TMEM131L: variants seen among roughly 807,000 people sequenced by gnomAD.
TMEM131L encodes transmembrane protein 131-like.
TMEM131L carries 54 observed loss-of-function variants against 192.2 expected under a neutral mutation model. The ratio of observed to expected loss-of-function variants is 0.28; its 90% CI spans 0.23 to 0.35. The LOEUF (loss-of-function observed/expected upper bound fraction) is 0.35, where lower values mean the gene tolerates loss of function less well. TMEM131L is among the 10% of genes least tolerant of loss of function. The pLI is 1.00. For synonymous variants in TMEM131L, 701 were observed against 704.9 expected (o/e 0.99, Z 0.09); for missense variants, 1,888 against 1,972.9 (o/e 0.96, Z 0.82).
At chr4:153,477,958 G>T (rs2149775703) in intron 3 of TMEM131L, among the ~76,000 whole-genome samples, 1 of 152,242 alleles carries the variant, frequency 6.6e-6, no homozygotes, top group African/African-American at 2.4e-5. Flanking sequence ...TTACCCTTTA[G>T]CCATCAACCT....
intron 3 of TMEM131L, among the ~76,000 whole-genome samples, chr4:153,479,644 TTGG>T (rs932747047): frequency 3.3e-5 from 5 of 152,232 alleles, no homozygotes; most frequent in Admixed American, 2.6e-4. Flanking sequence ...AGTTTTTTTT[TTGG>T]TGGTTTTTTG....
At chr4:153,489,855 C>T (rs1285036203) in intron 3 of TMEM131L, among the ~76,000 whole-genome samples, 3 of 152,094 alleles carry the variant, frequency 2.0e-5, no homozygotes, top group Admixed American at 1.3e-4. Context: ...AATCAAACCT[C>T]GTTCCTTGTG....
At chr4:153,627,009 G>A (rs1252313157) in intron 30 of TMEM131L, among the ~76,000 whole-genome samples, 1 of 152,174 alleles carries the variant, frequency 6.6e-6, no homozygotes, top group East Asian at 1.9e-4. Context: ...AAGGAGGAGA[G>A]TTCAGTGTGA....
Position 153,535,002 on chromosome 4 carries a change from A to T in TMEM131L, c.240-15071A>T, listed in dbSNP as rs564337407. Among the ~76,000 whole-genome samples the T allele has an allele frequency of 1.2e-4, 18 of 152,312 alleles. 3 individuals are homozygous for T. Among genetic ancestry groups the T allele is most frequent in the Admixed American group, 7.8e-4 (12 of 15,304 alleles). On this transcript the variant is annotated intron_variant, in intron 3 of 34. Coordinates refer to ENST00000409959, the MANE Select transcript of TMEM131L (RefSeq NM_001131007.2). ...TTCTTGTGGGGATTTTGAGCAGAGC[A>T]GTGATGCCATTTGAATTAGGTTTAA...
In TMEM131L at chr4:153,635,501, C is replaced by T. The variant is rs760829770; in HGVS notation, c.4487C>T (p.Ser1496Phe). 6.2e-7 allele frequency: 1 copy of T among 1,613,996 alleles called. No individual in the cohort carries two copies. Among genetic ancestry groups the T allele is most frequent in the Non-Finnish European group, 8.5e-7 (1 of 1,179,832 alleles). Reference sequence around the variant, plus strand: ...CAGACAGACTTTATTGATCACAACTCTCAGTCTACCTGGAACACCCCACCC... The same window carrying T: ...CAGACAGACTTTATTGATCACAACTTTCAGTCTACCTGGAACACCCCACCC... ...DVQTDFIDHN[S>F]QSTWNTPPNM... Residue 1496 changes from serine (S) to phenylalanine (F), a missense_variant, in exon 34 of 35, where the codon TCT becomes TTT. Transcript: ENST00000409959.
chr4:153,503,911 A>G (rs1047926381), intron 3 of TMEM131L, among the ~76,000 whole-genome samples: 6 of 152,228 alleles, frequency 3.9e-5, no homozygotes, highest in African/African-American at 1.4e-4. Context: ...TTTTCAACGT[A>G]TATTGAAGCC....
chr4:153,548,408 T>C (rs1385118565), intron 3 of TMEM131L, among the ~76,000 whole-genome samples: 1 of 152,116 alleles, frequency 6.6e-6, no homozygotes, highest in Non-Finnish European at 1.5e-5. Context: ...GGGTTCATGC[T>C]ATTCTCCTGC....
rs1026627839 is a variant in TMEM131L, at chr4:153,597,124, A to G, written c.2123+739A>G. 5.9e-5 allele frequency among the ~76,000 whole-genome samples: 9 copies of G among 152,246 alleles called. No individual in the cohort carries two copies. The East Asian group carries it at 1.2e-3, about 20-fold the overall frequency. The stretch of plus-strand genomic sequence containing the variant: ...TATTATTCAGAATTTTCTTTAATAT[A>G]TAAGTTTGTTCTTTTGCAAATGAAT... On this transcript the variant is annotated intron_variant, in intron 20 of 34. Transcript: ENST00000409959.
chr4:153,619,858 C>T (rs1733264841), intron 26 of TMEM131L, among the ~76,000 whole-genome samples: 1 of 152,160 alleles, frequency 6.6e-6, no homozygotes, highest in African/African-American at 2.4e-5. Context: ...GGGGACTCTT[C>T]TGGATCTAGG....
At chr4:153,631,532 A>G (rs547008352) in intron 31 of TMEM131L, among the ~76,000 whole-genome samples, 65 of 152,262 alleles carry the variant, frequency 4.3e-4, no homozygotes, top group African/African-American at 1.4e-3. Flanking sequence ...TGGGACCCCA[A>G]AGCTTTTATA....
chr4:153,515,853 G>T (rs1314116306), intron 3 of TMEM131L, among the ~76,000 whole-genome samples: 1 of 151,206 alleles, frequency 6.6e-6, no homozygotes, highest in Non-Finnish European at 1.5e-5. Context: ...TCTTTTCTAT[G>T]TGCTCATTGA....
intron 21 of TMEM131L, among the ~76,000 whole-genome samples, chr4:153,600,235 C>T (rs1731739000): frequency 6.6e-6 from 1 of 151,900 alleles, no homozygotes; most frequent in Non-Finnish European, 1.5e-5. Flanking sequence ...GGCATGGTGG[C>T]AGATGCCTGT....
At chr4:153,539,541 T>C (rs1433582754) in intron 3 of TMEM131L, among the ~76,000 whole-genome samples, 8 of 148,574 alleles carry the variant, frequency 5.4e-5, no homozygotes, top group African/African-American at 2.0e-4. Context: ...CTTAACTTTT[T>C]GAATAATGAC....
chr4:153,492,641 A>G (rs2086261058), intron 3 of TMEM131L, among the ~76,000 whole-genome samples: 1 of 152,238 alleles, frequency 6.6e-6, no homozygotes, highest in Admixed American at 6.5e-5. Context: ...TGGTTAAACT[A>G]GTAGGTTATA....
rs1373802778 is a variant in TMEM131L at position 153,605,123 on chromosome 4, G to C, written c.3418+693G>C. ...TTAACAGCTGCCACCATCTCAGGTTGCCTGGCCCTGGTTCTTCTCTAATTG... is the reference window on the plus strand; with the variant it reads ...TTAACAGCTGCCACCATCTCAGGTTCCCTGGCCCTGGTTCTTCTCTAATTG... On this transcript the variant is annotated intron_variant, in intron 25 of 34. Transcript: ENST00000409959. Among the ~76,000 whole-genome samples the C allele has an allele frequency of 2.6e-5, 4 of 152,198 alleles. No homozygotes were observed. The East Asian group carries it at 7.7e-4, about 29-fold the overall frequency.
At chr4:153,479,592 G>A (rs1263165206) in intron 3 of TMEM131L, among the ~76,000 whole-genome samples, 5 of 151,874 alleles carry the variant, frequency 3.3e-5, no homozygotes, top group South Asian at 2.1e-4. Flanking sequence ...TTTAAAATGC[G>A]TACAAAAATC....
At chr4:153,597,853 A>T (rs1472769783) in intron 20 of TMEM131L, among the ~76,000 whole-genome samples, 3 of 152,128 alleles carry the variant, frequency 2.0e-5, no homozygotes. Context: ...GGATTGCGTG[A>T]GCCTGGGAGG....
intron 20 of TMEM131L, among the ~76,000 whole-genome samples, chr4:153,597,685 C>T (rs1731539220): frequency 6.6e-6 from 1 of 152,146 alleles, no homozygotes; most frequent in Non-Finnish European, 1.5e-5. Flanking sequence ...GGAATCTCAG[C>T]ACTTTGGGAG....
chr4:153,552,393 T>A (rs1204990623), intron 4 of TMEM131L, among the ~76,000 whole-genome samples: 1 of 152,204 alleles, frequency 6.6e-6, no homozygotes, highest in Non-Finnish European at 1.5e-5. Flanking sequence ...AAAAAAATCC[T>A]ATAGTCGATG....
Sources: allele counts gnomAD v4.1 joint callset (sites outside exome capture counted in the v4.1 genomes callset), GRCh38; gene constraint gnomAD v4.1.1; transcripts MANE v1.5; gene names NCBI Gene and HGNC (gene_info 2026-07-23, HGNC 2026-07-21).